HCN1: variants seen among roughly 807,000 people sequenced by gnomAD.
HCN1 encodes hyperpolarization activated cyclic nucleotide gated potassium channel 1, also known as potassium/sodium hyperpolarization-activated cyclic nucleotide-gated channel 1.
In HCN1, 13 loss-of-function variants were observed where a neutral mutation model predicts 78.9. The observed-to-expected ratio is 0.16, with a 90% CI of 0.11 to 0.26. HCN1 has a LOEUF of 0.26. Among genes scored for constraint, HCN1 ranks in the 10% least tolerant of loss-of-function variants. HCN1 has a pLI of 1.00. For synonymous variants in HCN1, 552 were observed against 455.5 expected (o/e 1.21, Z -2.70); for missense variants, 810 against 1,154.3 (o/e 0.70, Z 4.32).
At chr5:45,650,865 C>A (rs1580019240) in intron 1 of HCN1, among the ~76,000 whole-genome samples, 1 of 151,908 alleles carries the variant, frequency 6.6e-6, no homozygotes, top group Non-Finnish European at 1.5e-5. Context: ...ACTTCCCACT[C>A]TTCTTAAGGT....
At chr5:45,332,019 T>A (rs1158984246) in intron 5 of HCN1, among the ~76,000 whole-genome samples, 1 of 151,512 alleles carries the variant, frequency 6.6e-6, no homozygotes, top group African/African-American at 2.4e-5. Flanking sequence ...GAAAATTGGT[T>A]TATATAAGCT....
intron 1 of HCN1, among the ~76,000 whole-genome samples, chr5:45,661,319 A>C (rs1171918096): frequency 6.9e-6 from 1 of 144,306 alleles, no homozygotes; most frequent in African/African-American, 2.6e-5. Context: ...GTAGAGGGAA[A>C]TTTATAGCAC....
chr5:45,382,984 A>C (rs1027551437), intron 4 of HCN1, among the ~76,000 whole-genome samples: 3 of 152,142 alleles, frequency 2.0e-5, no homozygotes, highest in African/African-American at 7.2e-5. Flanking sequence ...AATGTGAATT[A>C]ATTGAGATTA....
chr5:45,302,358 T>A (rs1344673610), intron 6 of HCN1, among the ~76,000 whole-genome samples: 2 of 152,076 alleles, frequency 1.3e-5, no homozygotes, highest in African/African-American at 4.8e-5. Flanking sequence ...TGATTGTAAG[T>A]TTCCTGAGGC....
At chr5:45,443,014 T>C (rs2111572843) in intron 3 of HCN1, among the ~76,000 whole-genome samples, 2 of 152,220 alleles carry the variant, frequency 1.3e-5, no homozygotes, top group South Asian at 4.1e-4. Flanking sequence ...ATAGCATTTT[T>C]AGAGAATTAA....
At chr5:45,358,596 G>C (rs1747049982) in intron 4 of HCN1, among the ~76,000 whole-genome samples, 1 of 151,980 alleles carries the variant, frequency 6.6e-6, no homozygotes, top group Non-Finnish European at 1.5e-5. Flanking sequence ...CCATGATTCA[G>C]ACAGAGACAT....
intron 3 of HCN1, among the ~76,000 whole-genome samples, chr5:45,450,978 T>G (rs1740903919): frequency 6.6e-6 from 1 of 152,308 alleles, no homozygotes; most frequent in East Asian, 1.9e-4. Flanking sequence ...CCTACTTCTA[T>G]TCCTTTTTTC....
chr5:45,643,391 T>G (rs1247327037), intron 2 of HCN1: 2 of 152,294 alleles, frequency 1.3e-5, no homozygotes, highest in East Asian at 3.9e-4. Flanking sequence ...ACAGGATATT[T>G]GTTAAAATAT....
intron 2 of HCN1, among the ~76,000 whole-genome samples, chr5:45,496,001 G>T (rs1322866206): frequency 6.6e-6 from 1 of 152,114 alleles, no homozygotes; most frequent in Non-Finnish European, 1.5e-5. Context: ...GATTCGGTTT[G>T]CTAGTATTTT....
intron 5 of HCN1, among the ~76,000 whole-genome samples, chr5:45,347,369 A>T (rs185842617): frequency 7.9e-4 from 121 of 152,270 alleles, no homozygotes; most frequent in African/African-American, 2.7e-3. Flanking sequence ...CCATCTGTAC[A>T]TCACCATCGT....
intron 1 of HCN1, among the ~76,000 whole-genome samples, chr5:45,667,946 T>A (rs867020975): frequency 3.0e-4 from 46 of 152,008 alleles, no homozygotes; most frequent in Admixed American, 1.2e-3. Context: ...AGATGAAAAA[T>A]CTAAAACAAT....
rs1000234251 is a variant in HCN1, at chr5:45,334,792, T to C, written c.1377+18308A>G. ...ACATAATTTTGCTAATCTTTTGTTA[T>C]TTATGCCTGTTACATGAATATCTTA... On this transcript the variant is annotated intron_variant, in intron 5 of 7. Transcript: ENST00000303230. Among the ~76,000 whole-genome samples the C allele has an allele frequency of 7.2e-5, 11 of 152,024 alleles. 1 individual carries two copies. Among genetic ancestry groups the C allele is most frequent in the Admixed American group, 7.2e-4 (11 of 15,210 alleles).
intron 5 of HCN1, among the ~76,000 whole-genome samples, chr5:45,314,338 G>A (rs1188297354): frequency 1.3e-5 from 2 of 152,072 alleles, no homozygotes; most frequent in Admixed American, 1.3e-4. Flanking sequence ...CACCAGGCCT[G>A]CCCTACAAGA....
At chr5:45,271,555 G>C (rs1422051023) in intron 6 of HCN1, among the ~76,000 whole-genome samples, 1 of 152,050 alleles carries the variant, frequency 6.6e-6, no homozygotes, top group Non-Finnish European at 1.5e-5. Flanking sequence ...TCAGTGAAAA[G>C]TAAAACTCAA....
At chr5:45,663,381 C>G (rs1406111881) in intron 1 of HCN1, among the ~76,000 whole-genome samples, 1 of 136,972 alleles carries the variant, frequency 7.3e-6, no homozygotes, top group Non-Finnish European at 1.6e-5. Flanking sequence ...CATTACCATT[C>G]AGGACATAGG....
chr5:45,631,749 C>G (rs1745272779), intron 2 of HCN1, among the ~76,000 whole-genome samples: 1 of 151,920 alleles, frequency 6.6e-6, no homozygotes, highest in Non-Finnish European at 1.5e-5. Flanking sequence ...CATGACAGAG[C>G]TATGAGGAAA....
At chr5:45,663,371 C>A (rs1042463009) in intron 1 of HCN1, among the ~76,000 whole-genome samples, 8 of 140,010 alleles carry the variant, frequency 5.7e-5, no homozygotes, top group Non-Finnish European at 9.2e-5. Flanking sequence ...AAAACCTAGA[C>A]ATTACCATTC....
chr5:45,552,476 G>A (rs1375317947), intron 2 of HCN1, among the ~76,000 whole-genome samples: 1 of 151,896 alleles, frequency 6.6e-6, no homozygotes. Flanking sequence ...TATTATTTTA[G>A]TATTATTTAT....
At chr5:45,609,744 G>A (rs778642367) in intron 2 of HCN1, among the ~76,000 whole-genome samples, 1 of 152,046 alleles carries the variant, frequency 6.6e-6, no homozygotes, top group Non-Finnish European at 1.5e-5. Flanking sequence ...CAGTTTAAAG[G>A]TGAAGACAGA....
Sources: gnomAD v4.1 joint callset for allele counts (sites outside exome capture counted in the v4.1 genomes callset) on GRCh38, gnomAD v4.1.1 for gene constraint, MANE v1.5 for transcripts, NCBI Gene and HGNC (gene_info 2026-07-23, HGNC 2026-07-21) for gene names.